The following LRRC4C variants were observed in gnomAD, a reference collection of about 807,000 sequenced individuals.
The protein encoded by LRRC4C is leucine rich repeat containing 4C, also known as leucine-rich repeat-containing protein 4C.
In LRRC4C, 5 loss-of-function variants were observed where a neutral mutation model predicts 33.6. The observed-to-expected ratio is 0.15, with a 90% confidence interval of 0.08 to 0.31. The LOEUF is 0.31. Ranked by LOEUF, LRRC4C falls within the 10% of genes least tolerant of loss-of-function variation. The pLI is 1.00. For missense variants in LRRC4C, 560 were observed against 796.7 expected (o/e 0.70, Z 3.58); for synonymous variants, 329 against 302.0 (o/e 1.09, Z -0.93).
intron 4 of LRRC4C, among the ~76,000 whole-genome samples, chr11:40,283,621 C>A (rs1943629755): frequency 6.7e-6 from 1 of 149,564 alleles, no homozygotes; most frequent in Non-Finnish European, 1.5e-5. Flanking sequence ...TCCCCAGATA[C>A]ACTGAAAATC....
intron 3 of LRRC4C, among the ~76,000 whole-genome samples, chr11:40,470,919 T>C (rs1246451837): frequency 6.6e-6 from 1 of 152,144 alleles, no homozygotes. Context: ...TTGGTATACC[T>C]GAAAGTGATG....
chr11:40,886,953 T>A (rs1011838128), intron 2 of LRRC4C, among the ~76,000 whole-genome samples: 1 of 138,020 alleles, frequency 7.2e-6, no homozygotes, highest in African/African-American at 3.0e-5. Context: ...TATATACACG[T>A]GTGTGTATAT....
intron 1 of LRRC4C, among the ~76,000 whole-genome samples, chr11:40,942,841 A>G (rs996866921): frequency 6.6e-6 from 1 of 152,160 alleles, no homozygotes; most frequent in African/African-American, 2.4e-5. Context: ...CAGAGTTCCA[A>G]TCCTAACTCT....
chr11:40,335,180 C>T (rs1410071295), intron 3 of LRRC4C, among the ~76,000 whole-genome samples: 2 of 152,000 alleles, frequency 1.3e-5, no homozygotes, highest in South Asian at 2.1e-4. Context: ...GGTGCAGAAA[C>T]CATGACCCTG....
At chr11:41,359,369 T>A (rs1360139580) in intron 1 of LRRC4C, among the ~76,000 whole-genome samples, 1 of 152,104 alleles carries the variant, frequency 6.6e-6, no homozygotes, top group Non-Finnish European at 1.5e-5. Context: ...TGTTTCAATG[T>A]AGGATAATCA....
chr11:41,429,914 C>A (rs115445576), intron 1 of LRRC4C, among the ~76,000 whole-genome samples: 1 of 151,962 alleles, frequency 6.6e-6, no homozygotes, highest in Admixed American at 6.6e-5. Flanking sequence ...AATGGCATTC[C>A]GGCTAAGTTA....
chr11:40,884,445 G>A (rs1236391096), intron 2 of LRRC4C, among the ~76,000 whole-genome samples: 3 of 151,900 alleles, frequency 2.0e-5, no homozygotes, highest in Non-Finnish European at 4.4e-5. Context: ...GAGATTGTTG[G>A]GTCAAATGTT....
At chr11:40,790,945 C>A (rs911784536) in intron 2 of LRRC4C, among the ~76,000 whole-genome samples, 1 of 152,144 alleles carries the variant, frequency 6.6e-6, no homozygotes, top group African/African-American at 2.4e-5. Flanking sequence ...ATTGATACTC[C>A]TTAGAATTGC....
chr11:40,745,980 C>G (rs1305536569), intron 2 of LRRC4C, among the ~76,000 whole-genome samples: 20 of 152,160 alleles, frequency 1.3e-4, no homozygotes, highest in Admixed American at 1.3e-3. Flanking sequence ...AACAAACTCA[C>G]TAGTAGGTAA....
chr11:40,912,518 G>GC (rs1435585185), intron 2 of LRRC4C, among the ~76,000 whole-genome samples: 1 of 152,158 alleles, frequency 6.6e-6, no homozygotes, highest in Non-Finnish European at 1.5e-5. Flanking sequence ...TCACCACCAG[G>GC]CCTGCCCTAA....
intron 4 of LRRC4C, among the ~76,000 whole-genome samples, chr11:40,279,812 C>G (rs1255697500): frequency 6.6e-6 from 1 of 152,146 alleles, no homozygotes; most frequent in Non-Finnish European, 1.5e-5. Flanking sequence ...GAGACAGGCA[C>G]AGTGCCTGAC....
chr11:40,985,159 CTTAGT>C (rs1490281179), intron 1 of LRRC4C, among the ~76,000 whole-genome samples: 1 of 151,888 alleles, frequency 6.6e-6, no homozygotes, highest in Non-Finnish European at 1.5e-5. Flanking sequence ...ACCTAATGGG[CTTAGT>C]TTAGCATGAA....
intron 3 of LRRC4C, among the ~76,000 whole-genome samples, chr11:40,603,652 C>A (rs1035672049): frequency 6.6e-6 from 1 of 152,180 alleles, no homozygotes; most frequent in Non-Finnish European, 1.5e-5. Context: ...GTAGAAAAGG[C>A]TTCTGAATGG....
At chr11:40,705,314 G>A (rs1369035791) in intron 2 of LRRC4C, among the ~76,000 whole-genome samples, 6 of 151,854 alleles carry the variant, frequency 4.0e-5, no homozygotes, top group African/African-American at 7.3e-5. Flanking sequence ...CCATTAACTC[G>A]TCATTCACAT....
At chr11:40,522,412 T>C (rs1565470757) in intron 3 of LRRC4C, among the ~76,000 whole-genome samples, 2 of 152,114 alleles carry the variant, frequency 1.3e-5, no homozygotes, top group Non-Finnish European at 2.9e-5. Context: ...TGAATTGTAC[T>C]CCCATAATTC....
At chr11:41,219,157 A>T (rs1947194090) in intron 1 of LRRC4C, among the ~76,000 whole-genome samples, 1 of 152,170 alleles carries the variant, frequency 6.6e-6, no homozygotes, top group African/African-American at 2.4e-5. Flanking sequence ...GAAGCCCATT[A>T]AAATGTAGTT....
intron 1 of LRRC4C, among the ~76,000 whole-genome samples, chr11:41,304,439 G>C (rs1245116380): frequency 1.1e-5 from 1 of 89,520 alleles, no homozygotes; most frequent in African/African-American, 4.3e-5. Flanking sequence ...CCGTCTGGGA[G>C]GTGAGGGGCG....
chr11:41,127,518 A>T (rs981387121), intron 1 of LRRC4C, among the ~76,000 whole-genome samples: 2 of 152,098 alleles, frequency 1.3e-5, no homozygotes, highest in Admixed American at 1.3e-4. Context: ...ATAAGATGAC[A>T]TGAGGAAATT....
chr11:41,419,738 T>C (rs1384766329), intron 1 of LRRC4C, among the ~76,000 whole-genome samples: 1 of 151,956 alleles, frequency 6.6e-6, no homozygotes, highest in Non-Finnish European at 1.5e-5. Context: ...GTTATTTTAC[T>C]GATGTACCAC....
Sources: allele counts gnomAD v4.1 joint callset (sites outside exome capture counted in the v4.1 genomes callset), GRCh38; gene constraint gnomAD v4.1.1; transcripts MANE v1.5; gene names NCBI Gene and HGNC (gene_info 2026-07-23, HGNC 2026-07-21).